Variants in EPHB1 observed in about 807,000 individuals in gnomAD.
EPHB1 encodes the protein EPH receptor B1.
A neutral mutation model predicts 94.4 loss-of-function variants in EPHB1; 30 were observed. That is an observed-to-expected ratio of 0.32 (90% CI 0.24 to 0.43). The LOEUF (loss-of-function observed/expected upper bound fraction) is 0.43, where lower values mean the gene tolerates loss of function less well. Ranked by LOEUF, EPHB1 falls within the 20% of genes least tolerant of loss-of-function variation. The pLI is 1.00. For missense variants in EPHB1, 1,055 were observed against 1,308.3 expected, an observed-to-expected ratio of 0.81 and a Z score of 2.99; for synonymous variants, 522 against 489.1, an observed-to-expected ratio of 1.07 and a Z score of -0.89.
intron 3 of EPHB1, among the ~76,000 whole-genome samples, chr3:135,011,004 G>A (rs759207688): frequency 7.2e-5 from 11 of 152,158 alleles, no homozygotes; most frequent in Admixed American, 2.0e-4. Context: ...TCCATTTTCA[G>A]GTTATTCGCC....
At chr3:134,958,353 C>G (rs1933360575) in intron 3 of EPHB1, among the ~76,000 whole-genome samples, 1 of 152,044 alleles carries the variant, frequency 6.6e-6, no homozygotes, top group Non-Finnish European at 1.5e-5. Flanking sequence ...GGTCCCAGCT[C>G]TGGGTTCCCC....
intron 1 of EPHB1, among the ~76,000 whole-genome samples, chr3:134,910,762 G>A (rs564289702): frequency 6.6e-6 from 1 of 152,190 alleles, no homozygotes; most frequent in South Asian, 2.1e-4. Context: ...GCTAGAGGAG[G>A]TCAGAACTAT....
chr3:135,121,897 T>C (rs1404581), intron 4 of EPHB1, among the ~76,000 whole-genome samples: 135,148 of 152,078 alleles, frequency 0.89, 60,605 homozygotes, highest in South Asian at 0.99. Flanking sequence ...GATAACTATA[T>C]CAGGCAGTCC....
chr3:134,900,442 G>T (rs1161886722), intron 1 of EPHB1, among the ~76,000 whole-genome samples: 1 of 152,206 alleles, frequency 6.6e-6, no homozygotes, highest in African/African-American at 2.4e-5. Context: ...CTGGTGGTGT[G>T]TGGGTAGGGC....
intron 12 of EPHB1, among the ~76,000 whole-genome samples, chr3:135,237,142 C>T (rs1230559598): frequency 6.6e-6 from 1 of 151,994 alleles, no homozygotes; most frequent in African/African-American, 2.4e-5. Context: ...GACTAAAGTG[C>T]CTCTACACCA....
intron 1 of EPHB1, among the ~76,000 whole-genome samples, chr3:134,880,212 T>C (rs779128083): frequency 6.6e-6 from 1 of 152,208 alleles, no homozygotes; most frequent in Non-Finnish European, 1.5e-5. Flanking sequence ...TCTCCAGCTG[T>C]TGAACAGCTG....
At chr3:135,096,668 G>A (rs1938779075) in intron 3 of EPHB1, among the ~76,000 whole-genome samples, 1 of 152,226 alleles carries the variant, frequency 6.6e-6, no homozygotes, top group Admixed American at 6.5e-5. Context: ...GTTTGCAGAT[G>A]ACCATCTGCT....
intron 13 of EPHB1, 34 bp downstream of exon 13, chr3:135,241,331 C>G (rs1485317428): frequency 1.3e-5 from 21 of 1,612,136 alleles, no homozygotes; most frequent in South Asian, 2.2e-5. Flanking sequence ...ACCACAAACC[C>G]CCATTGAAGG....
In EPHB1 at chr3:135,242,801, G is replaced by A. The variant is rs1943817423; in HGVS notation, c.2496+1504G>A. Reference sequence around the variant, plus strand: ...TTAGTAGAAAAAGCAGACCCAGCAGGGCGCAGTGGCTCATGCTTGTAGTCC... The same window carrying A: ...TTAGTAGAAAAAGCAGACCCAGCAGAGCGCAGTGGCTCATGCTTGTAGTCC... On this transcript the variant is annotated intron_variant, in intron 13 of 15. Coordinates refer to ENST00000398015, the MANE Select transcript of EPHB1 (RefSeq NM_004441.5). 2.6e-5 allele frequency among the ~76,000 whole-genome samples: 4 copies of A among 152,264 alleles called. No homozygotes were observed. In the South Asian group the frequency reaches 8.3e-4, roughly 32 times the overall value.
chr3:135,258,388 G>C (rs1308777479), intron 15 of EPHB1, among the ~76,000 whole-genome samples: 2 of 152,162 alleles, frequency 1.3e-5, no homozygotes, highest in Non-Finnish European at 2.9e-5. Context: ...GAATGCATGG[G>C]TCTAGCACAG....
chr3:135,014,669 C>G (rs1280479246), intron 3 of EPHB1, among the ~76,000 whole-genome samples: 4 of 152,128 alleles, frequency 2.6e-5, no homozygotes, highest in South Asian at 2.1e-4. Flanking sequence ...ACATGCCTGC[C>G]CAGCGTCCAG....
intron 1 of EPHB1, among the ~76,000 whole-genome samples, chr3:134,921,119 C>T (rs1206825833): frequency 3.9e-5 from 6 of 152,104 alleles, no homozygotes. Flanking sequence ...TGCCAGAAAT[C>T]CCTTCTATCT....
At chr3:135,235,361 A>C (rs916857457) in intron 12 of EPHB1, among the ~76,000 whole-genome samples, 1 of 152,232 alleles carries the variant, frequency 6.6e-6, no homozygotes, top group South Asian at 2.1e-4. Context: ...GGAATTTGTT[A>C]GGAATGCAAA....
At position 135,004,998 on chromosome 3, in the gene EPHB1, G is replaced by T. The variant is rs563849728; in HGVS notation, c.805+52946G>T. On this transcript the variant is annotated intron_variant, in intron 3 of 15. Transcript: ENST00000398015. ...TCCGTCCAGCTTTGTTCCGTTGCTG[G>T]TGAGGAGCTGCGTTCCTTTGCAGGA... Among the ~76,000 whole-genome samples, 1,060 of 152,322 alleles carry T rather than the reference G, an allele frequency of 7.0e-3. 15 individuals carry two copies. Among genetic ancestry groups the T allele is most frequent in the African/African-American group, 0.024 (987 of 41,566 alleles).
rs563528069 is a variant in EPHB1, at chr3:134,812,137, C to T, written c.58+16448C>T. 2.6e-5 allele frequency among the ~76,000 whole-genome samples: 4 copies of T among 152,260 alleles called. No homozygotes were observed. In the South Asian group the frequency reaches 8.3e-4, roughly 32 times the overall value. ...CATTTTTGGAAAAAAAATAGGCTTTCTTGAAGCATAATTTACATATAATAG... is the reference window on the plus strand; with the variant it reads ...CATTTTTGGAAAAAAAATAGGCTTTTTTGAAGCATAATTTACATATAATAG... On this transcript the variant is annotated intron_variant, in intron 1 of 15. Transcript: ENST00000398015.
chr3:134,929,969 C>T (rs1047682957), intron 2 of EPHB1, among the ~76,000 whole-genome samples: 1 of 152,152 alleles, frequency 6.6e-6, no homozygotes, highest in Admixed American at 6.5e-5. Context: ...TGTTTCTCTG[C>T]AGTCAGGATA....
chr3:134,901,735 T>C (rs888282286), intron 1 of EPHB1, among the ~76,000 whole-genome samples: 6 of 152,196 alleles, frequency 3.9e-5, no homozygotes, highest in Non-Finnish European at 8.8e-5. Flanking sequence ...GGGGTGGAAC[T>C]GAGGGCAATT....
intron 1 of EPHB1, among the ~76,000 whole-genome samples, chr3:134,912,020 G>A (rs1049901602): frequency 6.6e-6 from 1 of 152,206 alleles, no homozygotes; most frequent in Non-Finnish European, 1.5e-5. Flanking sequence ...GGCCTGGCAG[G>A]GAGAGGCAGA....
At chr3:135,254,383 G>T (rs1443047566) in intron 15 of EPHB1, among the ~76,000 whole-genome samples, 1 of 82,590 alleles carries the variant, frequency 1.2e-5, no homozygotes. Flanking sequence ...TTTGAAATAC[G>T]TCCCATCAAT....
Sources: allele counts gnomAD v4.1 joint callset (sites outside exome capture counted in the v4.1 genomes callset), GRCh38; gene constraint gnomAD v4.1.1; transcripts MANE v1.5; gene names NCBI Gene and HGNC (gene_info 2026-07-23, HGNC 2026-07-21).